SGCD: variants seen among roughly 807,000 people sequenced by gnomAD.
The protein encoded by SGCD is delta-sarcoglycan.
SGCD carries 18 observed loss-of-function variants against 36.6 expected under a neutral mutation model. The observed-to-expected ratio is 0.49, with a 90% CI of 0.34 to 0.73. The LOEUF is 0.73. Ranked by LOEUF, SGCD falls within the 30% of genes least tolerant of loss-of-function variation. The pLI is 0.01. For synonymous variants in SGCD, 133 were observed against 130.6 expected (o/e 1.02, Z -0.12); for missense variants, 387 against 346.7 (o/e 1.12, Z -0.92).
intron 7 of SGCD, among the ~76,000 whole-genome samples, chr5:156,650,086 C>T (rs1380451752): frequency 1.3e-5 from 2 of 152,080 alleles, no homozygotes; most frequent in Admixed American, 1.3e-4. Context: ...TCTAGAGATG[C>T]ATAGCCTGAA....
chr5:156,113,667 C>G (rs1224765845), intron 1 of SGCD, among the ~76,000 whole-genome samples: 1 of 152,154 alleles, frequency 6.6e-6, no homozygotes, highest in Non-Finnish European at 1.5e-5. Flanking sequence ...GGTATTTACA[C>G]AAATGAGTGA....
chr5:155,996,495 G>A (rs1490725004), intron 1 of SGCD, among the ~76,000 whole-genome samples: 8 of 152,072 alleles, frequency 5.3e-5, no homozygotes, highest in Non-Finnish European at 1.0e-4. Flanking sequence ...AAAAACCAAA[G>A]GGCCGGGCGC....
At chr5:156,502,038 CTT>C (rs34669004) in intron 3 of SGCD, among the ~76,000 whole-genome samples, 13 of 140,982 alleles carry the variant, frequency 9.2e-5, no homozygotes, top group Admixed American at 1.4e-4. Flanking sequence ...GATATTCTCT[CTT>C]TTTTTTTTTT....
intron 4 of SGCD, among the ~76,000 whole-genome samples, chr5:156,535,307 A>C (rs1416724840): frequency 3.3e-5 from 5 of 152,242 alleles, no homozygotes; most frequent in Non-Finnish European, 7.3e-5. Flanking sequence ...GATTGACTTT[A>C]ATAGGTCCTG....
the SGCD span, among the ~76,000 whole-genome samples, chr5:155,814,565 A>G: frequency 6.6e-6 from 1 of 152,250 alleles, no homozygotes; most frequent in African/African-American, 2.4e-5. Context: ...TGACCAGACC[A>G]TAAATGGCAC....
intron 4 of SGCD, among the ~76,000 whole-genome samples, chr5:156,577,315 C>A (rs963965462): frequency 2.0e-5 from 3 of 152,184 alleles, no homozygotes; most frequent in Non-Finnish European, 4.4e-5. Context: ...ATTTTGGTTG[C>A]TGTAGCCTTG....
rs540993845 is a variant in SGCD at position 156,109,935 on chromosome 5, A to G, written c.-281-7943A>G. On this transcript the variant is annotated intron_variant, in intron 1 of 9. Transcript: ENST00000517913. ...GTTACGAATCAGGAGACCCTGAATC[A>G]TTTGACATATGTCAGAAGACCTCTA... 2.6e-5 allele frequency among the ~76,000 whole-genome samples: 4 copies of G among 152,334 alleles called. No individual in the cohort carries two copies. The East Asian group carries it at 7.7e-4, about 29-fold the overall frequency.
intron 1 of SGCD, among the ~76,000 whole-genome samples, chr5:155,991,220 A>G (rs1185204289): frequency 2.6e-5 from 4 of 152,214 alleles, no homozygotes; most frequent in African/African-American, 9.6e-5. Context: ...GCAACATCTG[A>G]GCCATACAAG....
intron 7 of SGCD, among the ~76,000 whole-genome samples, chr5:156,724,400 A>G (rs572086319): frequency 6.6e-6 from 1 of 152,236 alleles, no homozygotes; most frequent in East Asian, 1.9e-4. Flanking sequence ...GTCAGGAGAT[A>G]GAGACCATCC....
intron 7 of SGCD, among the ~76,000 whole-genome samples, chr5:156,720,864 G>C (rs1755460721): frequency 6.6e-6 from 1 of 152,212 alleles, no homozygotes; most frequent in Non-Finnish European, 1.5e-5. Flanking sequence ...AGGGAGGAAA[G>C]CCAGGAGATC....
chr5:156,144,136 G>A (rs368614669), intron 3 of SGCD, among the ~76,000 whole-genome samples: 27 of 151,914 alleles, frequency 1.8e-4, no homozygotes, highest in African/African-American at 5.8e-4. Context: ...CCAGTTTATC[G>A]TTGTTGGACA....
chr5:156,531,866 T>C (rs1234361167), intron 4 of SGCD, among the ~76,000 whole-genome samples: 1 of 152,032 alleles, frequency 6.6e-6, no homozygotes, highest in Non-Finnish European at 1.5e-5. Flanking sequence ...CCCAGCACTT[T>C]GGGAGGCTGA....
In SGCD at chr5:155,947,293, T is replaced by TTG. The variant is rs56192140; in HGVS notation, c.-282+76913_-282+76914dup. ...TAGCTTGGTATTATCATAAATACTC[T>TTG]TGTGTGTGTGTGTGTGTGTGTGTGT... On this transcript the variant is annotated intron_variant, in intron 1 of 9. Transcript: ENST00000517913. Among the ~76,000 whole-genome samples, 374 of 138,954 alleles carry TTG rather than the reference T, an allele frequency of 2.7e-3. 1 individual carries two copies. The highest frequency in any genetic ancestry group is 5.0e-3 in the South Asian group (20 of 3,978). 91.2% of individuals were successfully genotyped at this position (138,954 alleles called of 152,430 possible).
At chr5:155,893,196 C>A (rs976046347) in intron 1 of SGCD, among the ~76,000 whole-genome samples, 4 of 151,538 alleles carry the variant, frequency 2.6e-5, no homozygotes, top group African/African-American at 9.7e-5. Context: ...GGTCATTATA[C>A]TATATATATA....
At chr5:156,271,744 C>T (rs1766187437) in intron 3 of SGCD, among the ~76,000 whole-genome samples, 1 of 152,074 alleles carries the variant, frequency 6.6e-6, no homozygotes, top group African/African-American at 2.4e-5. Context: ...TCCCAGAGAA[C>T]ATGATGGATT....
intron 7 of SGCD, among the ~76,000 whole-genome samples, chr5:156,691,834 G>A (rs188826087): frequency 1.1e-4 from 17 of 152,268 alleles, no homozygotes; most frequent in Admixed American, 2.0e-4. Flanking sequence ...TGCTGAACAT[G>A]AATAAAAGTA....
intron 3 of SGCD, among the ~76,000 whole-genome samples, chr5:156,217,087 AAAT>A (rs1167303048): frequency 6.6e-6 from 1 of 152,182 alleles, no homozygotes; most frequent in African/African-American, 2.4e-5. Flanking sequence ...CAAATAAAAA[AAAT>A]AATAAAATAA....
chr5:156,306,115 C>T (rs1238103262), intron 3 of SGCD, among the ~76,000 whole-genome samples: 1 of 152,178 alleles, frequency 6.6e-6, no homozygotes, highest in Non-Finnish European at 1.5e-5. Context: ...GTTGGGAAGG[C>T]ATGATTCATT....
chr5:156,099,043 C>A (rs1761451899), intron 1 of SGCD, among the ~76,000 whole-genome samples: 1 of 152,352 alleles, frequency 6.6e-6, no homozygotes, highest in South Asian at 2.1e-4. Flanking sequence ...TGCCTTCCCT[C>A]CTCATGCCCC....
Sources: gnomAD v4.1 joint callset for allele counts (sites outside exome capture counted in the v4.1 genomes callset) on GRCh38, gnomAD v4.1.1 for gene constraint, MANE v1.5 for transcripts, NCBI Gene and HGNC (gene_info 2026-07-23, HGNC 2026-07-21) for gene names.